The following PIGN variants were observed in gnomAD, a reference collection of about 807,000 sequenced individuals.
PIGN encodes the protein GPI ethanolamine phosphate transferase 1.
A neutral mutation model predicts 125.4 loss-of-function variants in PIGN; 117 were observed. The observed-to-expected ratio is 0.93, with a 90% CI of 0.80 to 1.09. The LOEUF (loss-of-function observed/expected upper bound fraction) is 1.09, where lower values mean the gene tolerates loss of function less well. Ranked by LOEUF, PIGN falls within the 50% of genes least tolerant of loss-of-function variation. The pLI is 0.00. For missense variants in PIGN, 1,075 were observed against 1,094.9 expected (o/e 0.98, Z 0.26); for synonymous variants, 392 against 377.8 (o/e 1.04, Z -0.44).
intron 8 of PIGN, among the ~76,000 whole-genome samples, chr18:62,147,375 T>C (rs773142407): frequency 6.6e-6 from 1 of 152,208 alleles, no homozygotes. Context: ...CTAAATGAGA[T>C]AGATGACGTT....
At chr18:62,150,697 T>TG (rs33998141) in intron 7 of PIGN, among the ~76,000 whole-genome samples, 44,552 of 151,448 alleles carry the variant, frequency 0.29, 7,890 homozygotes, top group East Asian at 0.59. Flanking sequence ...GAGTTATTTT[T>TG]TTTGTTTGTT....
rs1307377262 is a variant in PIGN at position 62,043,796 on chromosome 18, C to T, written c.*2060G>A. On this transcript the variant is annotated 3_prime_UTR_variant, in exon 31 of 31. Coordinates refer to ENST00000640252, the MANE Select transcript of PIGN (RefSeq NM_176787.5). ...TCAATATTTTCACAACTTGTTCTGCCTATTTTAATTCTTATAACAATTCCT... is the reference window on the plus strand; with the variant it reads ...TCAATATTTTCACAACTTGTTCTGCTTATTTTAATTCTTATAACAATTCCT... 1 of 152,092 alleles carries T rather than the reference C, an allele frequency of 6.6e-6. No homozygotes were observed. Among genetic ancestry groups the T allele is most frequent in the Non-Finnish European group, 1.5e-5 (1 of 68,026 alleles). 9.4% of individuals were successfully genotyped at this position (152,092 alleles called of 1,614,324 possible).
At chr18:62,175,044 A>T (rs575726681) in intron 1 of PIGN, among the ~76,000 whole-genome samples, 2 of 142,730 alleles carry the variant, frequency 1.4e-5, no homozygotes, top group South Asian at 2.2e-4. Context: ...ATATATTATA[A>T]ATATATATTT....
intron 30 of PIGN, among the ~76,000 whole-genome samples, chr18:62,050,898 T>G (rs943015914): frequency 3.2e-4 from 48 of 150,900 alleles, no homozygotes; most frequent in Non-Finnish European, 1.0e-4. Context: ...TTATTAAGAG[T>G]TTTTAGCATG....
chr18:62,124,141 T>C (rs1043566516), intron 14 of PIGN, among the ~76,000 whole-genome samples: 8 of 152,250 alleles, frequency 5.3e-5, no homozygotes, highest in African/African-American at 7.2e-5. Flanking sequence ...AAACTGACTA[T>C]GTCTATATAA....
In PIGN at chr18:62,154,651, C is replaced by A. The variant is rs2036657789; in HGVS notation, c.443G>T (p.Gly148Val). 7.3e-7 allele frequency: 1 copy of A among 1,366,212 alleles called. No individual in the cohort carries two copies. 84.6% of individuals were successfully genotyped at this position (1,366,212 alleles called of 1,614,324 possible). ...SPDILPMFAK[G>V]ASGDHVYTYS... ...TGTATAAACGTGGTCTCCACTAGCA[C>A]CTGAAAAGAAAATTTGGAAAAAATA... The change falls in exon 7 of 31, where the codon GGT becomes GTT. Residue 148 changes from glycine to valine, a missense_variant and splice_region_variant. Around this residue, in one of 3 missense-constraint regions of PIGN, gnomAD observed 8 missense variants for 23.3 expected, o/e 0.34. Transcript: ENST00000640252.
At chr18:62,132,227 T>A (rs560940055) in intron 14 of PIGN, among the ~76,000 whole-genome samples, 5 of 152,294 alleles carry the variant, frequency 3.3e-5, no homozygotes, top group Admixed American at 6.5e-5. Context: ...GATGTTAATG[T>A]GAAAAAAACC....
intron 23 of PIGN, among the ~76,000 whole-genome samples, chr18:62,026,717 A>C (rs2030123885): frequency 1.3e-5 from 2 of 152,142 alleles, no homozygotes; most frequent in African/African-American, 4.8e-5. Flanking sequence ...TGCTACTGCC[A>C]CTCTTGTCAA....
intron 30 of PIGN, among the ~76,000 whole-genome samples, chr18:62,061,790 A>G (rs1176135896): frequency 1.3e-5 from 2 of 152,218 alleles, no homozygotes; most frequent in Non-Finnish European, 2.9e-5. Context: ...TCACACAAGA[A>G]TAATTGGAAA....
chr18:62,153,209 C>G (rs2036601807), intron 7 of PIGN, among the ~76,000 whole-genome samples: 1 of 152,186 alleles, frequency 6.6e-6, no homozygotes, highest in Non-Finnish European at 1.5e-5. Flanking sequence ...TCTTAGCCTT[C>G]CCCTAACTAC....
At chr18:62,064,558 A>G (rs868293668) in intron 30 of PIGN, among the ~76,000 whole-genome samples, 133 of 152,370 alleles carry the variant, frequency 8.7e-4, no homozygotes, top group African/African-American at 2.8e-3. Context: ...ATGCCACATT[A>G]TTGTGCAATC....
intron 30 of PIGN, chr18:62,052,431 G>A (rs1236702298): frequency 6.6e-6 from 1 of 150,708 alleles, no homozygotes; most frequent in Non-Finnish European, 1.5e-5. Flanking sequence ...TCTTCTTGTT[G>A]AATTGATCCC....
chr18:62,184,452 T>C (rs889531697), intron 1 of PIGN: 4 of 152,206 alleles, frequency 2.6e-5, no homozygotes, highest in Non-Finnish European at 4.4e-5. Context: ...AATATTCCAG[T>C]GTGTGTTACT....
chr18:62,074,720 T>A, intron 29 of PIGN, 59 bp downstream of exon 29: 1 of 1,100,654 alleles, frequency 9.1e-7, no homozygotes, highest in South Asian at 1.5e-5. Flanking sequence ...TATTTCTCTT[T>A]ATTAAATTAA....
At chr18:62,068,811 C>T (rs1388755776) in intron 30 of PIGN, among the ~76,000 whole-genome samples, 1 of 152,206 alleles carries the variant, frequency 6.6e-6, no homozygotes, top group Non-Finnish European at 1.5e-5. Context: ...TCTCACTCTA[C>T]ACATTCTCCC....
chr18:62,123,251 T>C (rs2035377791), intron 14 of PIGN, among the ~76,000 whole-genome samples: 1 of 152,004 alleles, frequency 6.6e-6, no homozygotes, highest in Non-Finnish European at 1.5e-5. Context: ...AAAAATGAAA[T>C]TTAAAAAAAT....
At chr18:62,113,941 T>C (rs950219923) in intron 15 of PIGN, among the ~76,000 whole-genome samples, 1 of 152,224 alleles carries the variant, frequency 6.6e-6, no homozygotes, top group Non-Finnish European at 1.5e-5. Flanking sequence ...CTTTTAATAA[T>C]GTATAGATAA....
At chr18:62,112,146 G>A (rs2034903616) in intron 16 of PIGN, among the ~76,000 whole-genome samples, 1 of 152,044 alleles carries the variant, frequency 6.6e-6, no homozygotes, top group Admixed American at 6.6e-5. Flanking sequence ...TTCTAAGAAT[G>A]CCTAGATACA....
At position 62,042,327 on chromosome 18, in the gene PIGN, A is replaced by T. The variant is rs181440509; in HGVS notation, c.*3529T>A. On this transcript the variant is annotated 3_prime_UTR_variant, in exon 31 of 31. Coordinates refer to ENST00000640252, the MANE Select transcript of PIGN (RefSeq NM_176787.5). ...GAGAGCCAGAGTCTGTCTTGAAAAA[A>T]AAAGAAAGAAAGAAAAAAGAAACTA... is the stretch of plus-strand genomic sequence containing the variant. 1 of 152,316 alleles carries T rather than the reference A, an allele frequency of 6.6e-6. No homozygotes were observed. Among genetic ancestry groups the T allele is most frequent in the African/African-American group, 2.4e-5 (1 of 41,562 alleles). 9.4% of individuals were successfully genotyped at this position (152,316 alleles called of 1,614,324 possible).
Sources: allele counts gnomAD v4.1 joint callset (sites outside exome capture counted in the v4.1 genomes callset), GRCh38; gene constraint gnomAD v4.1.1; regional missense constraint gnomAD v4.1.1; transcripts MANE v1.5; gene names NCBI Gene and HGNC (gene_info 2026-07-23, HGNC 2026-07-21).